SYNPR: variants seen among roughly 807,000 people sequenced by gnomAD.
SYNPR encodes the protein synaptoporin.
In SYNPR, 23 loss-of-function variants were observed where a neutral mutation model predicts 32.9. The ratio of observed to expected loss-of-function variants is 0.70; its 90% confidence interval spans 0.50 to 0.99. SYNPR has a LOEUF of 0.99. Among genes scored for constraint, SYNPR ranks in the 50% least tolerant of loss-of-function variants. The pLI, the probability that SYNPR is intolerant of heterozygous loss-of-function variation, is 0.00. For missense variants in SYNPR, 318 were observed against 349.3 expected (o/e 0.91, Z 0.71); for synonymous variants, 146 against 135.9 (o/e 1.07, Z -0.52).
chr3:63,340,938 TG>T (rs1429880193), intron 2 of SYNPR, among the ~76,000 whole-genome samples: 3 of 152,194 alleles, frequency 2.0e-5, no homozygotes, highest in African/African-American at 7.2e-5. Context: ...TACAGTTCTG[TG>T]GGTTTTGTCA....
intron 4 of SYNPR, among the ~76,000 whole-genome samples, chr3:63,563,050 T>C (rs1332299875): frequency 6.6e-6 from 1 of 152,148 alleles, no homozygotes; most frequent in Admixed American, 6.5e-5. Context: ...TTTTAATTAT[T>C]CTCCTGTCCA....
chr3:63,408,496 C>G (rs1294914577), intron 2 of SYNPR, among the ~76,000 whole-genome samples: 1 of 152,100 alleles, frequency 6.6e-6, no homozygotes, highest in East Asian at 1.9e-4. Context: ...ATGTCTCAAT[C>G]TAAGTCTGAA....
At position 63,391,121 on chromosome 3, in the gene SYNPR, T is replaced by C. The variant is rs910692723; in HGVS notation, c.85-89711T>C. Among the ~76,000 whole-genome samples the C allele has an allele frequency of 1.3e-5, 2 of 152,228 alleles. 1 individual carries two copies. Among genetic ancestry groups the C allele is most frequent in the South Asian group, 4.1e-4 (2 of 4,836 alleles). On this transcript the variant is annotated intron_variant, in intron 2 of 5. Transcript: ENST00000478300. ...GTTTATACAGGAAGACATCTAGGGA[T>C]AGCTCTTCCTGGAAATCTCTCTATC... is the stretch of plus-strand genomic sequence containing the variant.
intron 3 of SYNPR, among the ~76,000 whole-genome samples, chr3:63,553,966 C>G (rs2106824683): frequency 6.6e-6 from 1 of 152,306 alleles, no homozygotes; most frequent in African/African-American, 2.4e-5. Flanking sequence ...GGTGATCCAC[C>G]CCGTCTTGGC....
At chr3:63,280,267 G>A (rs1346923713) in intron 2 of SYNPR, among the ~76,000 whole-genome samples, 2 of 152,000 alleles carry the variant, frequency 1.3e-5, no homozygotes, top group African/African-American at 4.8e-5. Flanking sequence ...TATATAAAAA[G>A]GTGTTTGTTA....
chr3:63,446,684 T>C (rs1175247999), intron 2 of SYNPR, among the ~76,000 whole-genome samples: 1 of 152,152 alleles, frequency 6.6e-6, no homozygotes, highest in African/African-American at 2.4e-5. Flanking sequence ...TGCTAGAAGA[T>C]AGAACCTAGC....
At chr3:63,518,616 G>T (rs893091298) in intron 3 of SYNPR, among the ~76,000 whole-genome samples, 1 of 152,036 alleles carries the variant, frequency 6.6e-6, no homozygotes, top group African/African-American at 2.4e-5. Flanking sequence ...CCCTATACCT[G>T]CCAGCTGTGG....
At chr3:63,356,544 C>G (rs555159797) in intron 2 of SYNPR, among the ~76,000 whole-genome samples, 1 of 152,322 alleles carries the variant, frequency 6.6e-6, no homozygotes, top group East Asian at 1.9e-4. Flanking sequence ...TGCTCAAGGT[C>G]AGTCAGCAGT....
At chr3:63,388,669 CT>C (rs2088090264) in intron 2 of SYNPR, among the ~76,000 whole-genome samples, 1 of 151,726 alleles carries the variant, frequency 6.6e-6, no homozygotes, top group Non-Finnish European at 1.5e-5. Context: ...ATCCACCCAC[CT>C]CAGCCTCCCA....
At chr3:63,343,179 G>A (rs1456969745) in intron 2 of SYNPR, among the ~76,000 whole-genome samples, 1 of 152,174 alleles carries the variant, frequency 6.6e-6, no homozygotes, top group African/African-American at 2.4e-5. Flanking sequence ...AATTGAATCT[G>A]GAGAGGAGGA....
At chr3:63,257,733 G>A (rs923480552) in intron 2 of SYNPR, among the ~76,000 whole-genome samples, 54 of 152,264 alleles carry the variant, frequency 3.5e-4, no homozygotes, top group Admixed American at 3.1e-3. Flanking sequence ...AACCTTAAAT[G>A]TAAATGGGCT....
In SYNPR at chr3:63,462,109, C is replaced by G. The variant is rs983620248; in HGVS notation, c.85-18723C>G. Among the ~76,000 whole-genome samples, 6 of 152,142 alleles carry G rather than the reference C, an allele frequency of 3.9e-5. No individual in the cohort carries two copies. In the South Asian group the frequency reaches 8.3e-4, roughly 21 times the overall value. Reference sequence around the variant, plus strand: ...TTCCTTTCCCCAAGCCTGTCAAGTTCTTGCCCTTCACAGAATTTTCTGTCT... The same window carrying G: ...TTCCTTTCCCCAAGCCTGTCAAGTTGTTGCCCTTCACAGAATTTTCTGTCT... On this transcript the variant is annotated intron_variant, in intron 2 of 5. Coordinates refer to ENST00000478300, the MANE Select transcript of SYNPR (RefSeq NM_001130003.2).
intron 3 of SYNPR, among the ~76,000 whole-genome samples, chr3:63,517,928 T>C (rs1701831468): frequency 6.6e-6 from 1 of 152,130 alleles, no homozygotes; most frequent in Non-Finnish European, 1.5e-5. Flanking sequence ...TATAGCATAG[T>C]ATGGCAAGGG....
chr3:63,513,987 C>T (rs964311897), intron 3 of SYNPR, among the ~76,000 whole-genome samples: 5 of 152,078 alleles, frequency 3.3e-5, no homozygotes, highest in African/African-American at 4.8e-5. Context: ...TGACACAAGC[C>T]GATCTTCTTC....
At chr3:63,222,153 A>G in the SYNPR span, among the ~76,000 whole-genome samples, 1 of 151,590 alleles carries the variant, frequency 6.6e-6, no homozygotes, top group Non-Finnish European at 1.5e-5. Flanking sequence ...TCCTGATAGA[A>G]TAGAATTGAG....
At chr3:63,476,107 GGGGGA>G in intron 2 of SYNPR, among the ~76,000 whole-genome samples, 1 of 120,832 alleles carries the variant, frequency 8.3e-6, no homozygotes, top group Admixed American at 8.3e-5. Flanking sequence ...AGGAAGGGAG[GGGGGA>G]GGAAGGAAGG....
chr3:63,445,420 T>G, intron 2 of SYNPR: 2 of 601,386 alleles, frequency 3.3e-6, no homozygotes, highest in Non-Finnish European at 5.9e-6. Context: ...TTCTGAAAGG[T>G]CCATAATATC....
At chr3:63,442,245 G>A (rs1226138735) in intron 2 of SYNPR, among the ~76,000 whole-genome samples, 1 of 130,004 alleles carries the variant, frequency 7.7e-6, no homozygotes, top group Non-Finnish European at 1.6e-5. Flanking sequence ...GAGATAGGAA[G>A]GAAAGCGAGA....
At chr3:63,454,626 C>A (rs1700445598) in intron 2 of SYNPR, among the ~76,000 whole-genome samples, 1 of 152,054 alleles carries the variant, frequency 6.6e-6, no homozygotes, top group Admixed American at 6.6e-5. Flanking sequence ...ATGTGGGAGA[C>A]ACAGACAAAG....
Sources: allele counts gnomAD v4.1 joint callset (sites outside exome capture counted in the v4.1 genomes callset), GRCh38; gene constraint gnomAD v4.1.1; transcripts MANE v1.5; gene names NCBI Gene and HGNC (gene_info 2026-07-23, HGNC 2026-07-21).